Variants in NUDT3 observed in about 807,000 individuals in gnomAD.
The protein encoded by NUDT3 is nudix hydrolase 3.
Under a neutral mutation model 23.6 loss-of-function variants are expected in NUDT3, and 9 were observed. The ratio of observed to expected loss-of-function variants is 0.38; its 90% CI spans 0.23 to 0.66. The LOEUF (loss-of-function observed/expected upper bound fraction) is 0.66. NUDT3 is among the 30% of genes least tolerant of loss of function. NUDT3 has a pLI of 0.52. For missense variants in NUDT3, 172 were observed against 218.5 expected (o/e 0.79, Z 1.34); for synonymous variants, 86 against 82.6 (o/e 1.04, Z -0.22).
rs963672371 is a variant in NUDT3 at position 34,280,491 on chromosome 6, C to T, written c.*8262G>A. On this transcript the variant is annotated 3_prime_UTR_variant, in exon 5 of 5. Transcript: ENST00000607016. ...CACAAGGTGCCAAGAGGTTTAAGGA[C>T]CACAACTGACCTCTCTTTCCCTACA... 1 of 151,486 alleles carries T rather than the reference C, an allele frequency of 6.6e-6. No individual in the cohort carries two copies. The highest frequency in any genetic ancestry group is 1.5e-5 in the Non-Finnish European group (1 of 67,862). The allele number at this position is 151,486 out of a possible 1,614,324, so 9.4% of individuals were successfully genotyped here. A position where few individuals can be genotyped will look rare whatever the true frequency, so the allele number is the denominator to read the frequency against.
In NUDT3 at chr6:34,314,779, T is replaced by C. The variant is rs965609878; in HGVS notation, c.211-19094A>G. Among the ~76,000 whole-genome samples the C allele has an allele frequency of 5.3e-5, 8 of 152,144 alleles. No individual in the cohort carries two copies. The South Asian group carries it at 1.7e-3, about 32-fold the overall frequency. On this transcript the variant is annotated intron_variant, in intron 2 of 4. Transcript: ENST00000607016. ...AGTCACTGTGTGATTCGGGGCAAAT[T>C]AGTCTGTTTTTCTAGTAATAATAAT...
At chr6:34,353,352 A>G (rs931895380) in intron 1 of NUDT3, among the ~76,000 whole-genome samples, 8 of 152,192 alleles carry the variant, frequency 5.3e-5, no homozygotes, top group Admixed American at 3.3e-4. Flanking sequence ...GAGAAAATAT[A>G]ATGAATTCCT....
chr6:34,361,203 C>CAA (rs1030982481), intron 1 of NUDT3, among the ~76,000 whole-genome samples: 1 of 152,114 alleles, frequency 6.6e-6, no homozygotes, highest in African/African-American at 2.4e-5. Flanking sequence ...GCCTGGGTGA[C>CAA]AGAGTGAGAC....
rs114477563 is a variant in NUDT3 at position 34,366,717 on chromosome 6, T to C, written c.100-24745A>G. Among the ~76,000 whole-genome samples, 949 of 151,702 alleles carry C rather than the reference T, an allele frequency of 6.3e-3. 10 individuals carry two copies. The highest frequency in any genetic ancestry group is 0.022 in the African/African-American group (898 of 41,382). ...GGACTGCAACGTGTGCCACCATATCTGGCTGAGACTTACTGCTTAATAGGT... is the reference window on the plus strand; with the variant it reads ...GGACTGCAACGTGTGCCACCATATCCGGCTGAGACTTACTGCTTAATAGGT... On this transcript the variant is annotated intron_variant, in intron 1 of 4. Transcript: ENST00000607016.
chr6:34,328,612 G>C (rs1051848874), intron 2 of NUDT3, among the ~76,000 whole-genome samples: 1 of 152,040 alleles, frequency 6.6e-6, no homozygotes, highest in African/African-American at 2.4e-5. Context: ...CAGCCTTGAT[G>C]CTAGGCTCAA....
At position 34,281,932 on chromosome 6, in the gene NUDT3, A is replaced by C. The variant is rs996713066; in HGVS notation, c.*6821T>G. The C allele has an allele frequency of 1.3e-5, 2 of 152,206 alleles. No individual in the cohort carries two copies. The highest frequency in any genetic ancestry group is 1.5e-5 in the Non-Finnish European group (1 of 68,038). The allele number at this position is 152,206 out of a possible 1,614,324, so 9.4% of individuals were successfully genotyped here. On this transcript the variant is annotated 3_prime_UTR_variant, in exon 5 of 5. Coordinates refer to ENST00000607016, the MANE Select transcript of NUDT3 (RefSeq NM_006703.4). Reference sequence around the variant, plus strand: ...GAGGACACAAGCCTCTTGCTCATTAAGCAAAGGCCCTCCAAGTCTCCTTTT... The same window carrying C: ...GAGGACACAAGCCTCTTGCTCATTACGCAAAGGCCCTCCAAGTCTCCTTTT...
chr6:34,350,406 C>G (rs2113742312), intron 1 of NUDT3, among the ~76,000 whole-genome samples: 1 of 150,764 alleles, frequency 6.6e-6, no homozygotes, highest in African/African-American at 2.5e-5. Flanking sequence ...TTTATGTGTC[C>G]CTTCATAAAA....
rs1339204010 is a variant in NUDT3 at position 34,280,079 on chromosome 6, A to AGCCG, written c.*8673_*8674insCGGC. On this transcript the variant is annotated 3_prime_UTR_variant, in exon 5 of 5. Coordinates refer to ENST00000607016, the MANE Select transcript of NUDT3 (RefSeq NM_006703.4). ...GCCCCTTTCTTCTCAGCCCTCCTCCACAGCCTGACTGTACTGCCAGCCGCA... is the reference window on the plus strand; with the variant it reads ...GCCCCTTTCTTCTCAGCCCTCCTCCAGCCGCAGCCTGACTGTACTGCCAGCCGCA... The AGCCG allele has an allele frequency of 6.6e-6, 1 of 152,270 alleles. No individual in the cohort carries two copies. Among genetic ancestry groups the AGCCG allele is most frequent in the Non-Finnish European group, 1.5e-5 (1 of 68,120 alleles). 9.4% of individuals were successfully genotyped at this position (152,270 alleles called of 1,614,324 possible). A position where few individuals can be genotyped will look rare whatever the true frequency, so the allele number is the denominator to read the frequency against.
chr6:34,326,324 A>G (rs1397705855), intron 2 of NUDT3, among the ~76,000 whole-genome samples: 1 of 152,226 alleles, frequency 6.6e-6, no homozygotes, highest in Non-Finnish European at 1.5e-5. Context: ...AAGGTTAAAA[A>G]CCTTTATTTG....
intron 1 of NUDT3, among the ~76,000 whole-genome samples, chr6:34,380,794 T>G (rs1229749542): frequency 6.6e-6 from 1 of 152,150 alleles, no homozygotes; most frequent in Non-Finnish European, 1.5e-5. Context: ...CACAATACGT[T>G]AATACAAACA....
chr6:34,312,185 T>C (rs1763783755), intron 2 of NUDT3, among the ~76,000 whole-genome samples: 1 of 152,078 alleles, frequency 6.6e-6, no homozygotes, highest in South Asian at 2.1e-4. Context: ...GCGGATCACT[T>C]GAGGTCAGGA....
chr6:34,384,869 A>C (rs1476163010), intron 1 of NUDT3, among the ~76,000 whole-genome samples: 4 of 151,908 alleles, frequency 2.6e-5, no homozygotes, highest in Non-Finnish European at 2.9e-5. Context: ...CTGTCTCCAC[A>C]CACACACAAA....
In NUDT3 at chr6:34,282,780, GT is replaced by G. The variant is rs1763292873; in HGVS notation, c.*5972del. ...GTATCCTTTAAAGCCTATATCCAGG[GT>G]TTTAAATGACGCTTTTTTTGTGTGC... is the stretch of plus-strand genomic sequence containing the variant. On this transcript the variant is annotated 3_prime_UTR_variant, in exon 5 of 5. Transcript: ENST00000607016. 6.6e-6 allele frequency: 1 copy of G among 152,104 alleles called. No individual in the cohort carries two copies. Among genetic ancestry groups the G allele is most frequent in the African/African-American group, 2.4e-5 (1 of 41,398 alleles). 9.4% of individuals were successfully genotyped at this position (152,104 alleles called of 1,614,324 possible). A position where few individuals can be genotyped will look rare whatever the true frequency, so the allele number is the denominator to read the frequency against.
At chr6:34,380,304 G>C (rs1039960103) in intron 1 of NUDT3, among the ~76,000 whole-genome samples, 1 of 151,598 alleles carries the variant, frequency 6.6e-6, no homozygotes, top group Admixed American at 6.6e-5. Context: ...CACCCTCCTC[G>C]GCCTCCCAAA....
Position 34,316,377 on chromosome 6 carries a change from G to A in NUDT3, c.211-20692C>T, listed in dbSNP as rs976689115. 7.2e-5 allele frequency among the ~76,000 whole-genome samples: 11 copies of A among 152,236 alleles called. No individual in the cohort carries two copies. The South Asian group carries it at 1.9e-3, about 26-fold the overall frequency. On this transcript the variant is annotated intron_variant, in intron 2 of 4. Transcript: ENST00000607016. ...GCCAAATGAAATGAACACTTTAGTGGCATTAGAGAGTCTCCTAGAAATTCC... is the reference window on the plus strand; with the variant it reads ...GCCAAATGAAATGAACACTTTAGTGACATTAGAGAGTCTCCTAGAAATTCC...
rs145235356 is a variant in NUDT3 at position 34,337,437 on chromosome 6, T to C, written c.210+4425A>G. Among the ~76,000 whole-genome samples, 626 of 152,342 alleles carry C rather than the reference T, an allele frequency of 4.1e-3. 6 individuals carry two copies. Among genetic ancestry groups the C allele is most frequent in the African/African-American group, 0.014 (594 of 41,564 alleles). On this transcript the variant is annotated intron_variant, in intron 2 of 4. Transcript: ENST00000607016. ...GGTAAGATACTAAACATGAGGAGTG[T>C]AGTTTAATTATCTGTGCTGGATCTT...
intron 1 of NUDT3, among the ~76,000 whole-genome samples, chr6:34,344,592 T>C (rs906179517): frequency 1.3e-5 from 2 of 151,980 alleles, no homozygotes; most frequent in Non-Finnish European, 2.9e-5. Flanking sequence ...GGGTTTTATT[T>C]GGGGAAAATG....
chr6:34,336,172 G>C (rs1764206445), intron 2 of NUDT3, among the ~76,000 whole-genome samples: 1 of 152,116 alleles, frequency 6.6e-6, no homozygotes, highest in Non-Finnish European at 1.5e-5. Flanking sequence ...GGGAGGCTGA[G>C]GCAGGAGAAT....
intron 2 of NUDT3, among the ~76,000 whole-genome samples, chr6:34,302,742 A>C (rs1763618809): frequency 6.6e-6 from 1 of 152,204 alleles, no homozygotes; most frequent in African/African-American, 2.4e-5. Context: ...TCAAAAAAAC[A>C]AAACAAAAAA....
Sources: gnomAD v4.1 joint callset for allele counts (sites outside exome capture counted in the v4.1 genomes callset) on GRCh38, gnomAD v4.1.1 for gene constraint, MANE v1.5 for transcripts, NCBI Gene and HGNC (gene_info 2026-07-23, HGNC 2026-07-21) for gene names.